GPSM2: variants seen among roughly 807,000 people sequenced by gnomAD.
GPSM2 encodes the protein G protein signaling modulator 2, also known as G protein-signaling modulator 2.
A neutral mutation model predicts 78.4 loss-of-function variants in GPSM2; 58 were observed. The observed-to-expected ratio is 0.74, with a 90% CI of 0.60 to 0.92. The LOEUF (loss-of-function observed/expected upper bound fraction) is 0.92, where lower values mean the gene tolerates loss of function less well. Ranked by LOEUF, GPSM2 falls within the 40% of genes least tolerant of loss-of-function variation. The pLI, the probability that GPSM2 is intolerant of heterozygous loss-of-function variation, is 0.00. For synonymous variants in GPSM2, 224 were observed against 280.2 expected (o/e 0.80, Z 2.00); for missense variants, 700 against 815.5 (o/e 0.86, Z 1.73).
chr1:108,880,774 T>G (rs1248073024), intron 1 of GPSM2, among the ~76,000 whole-genome samples: 1 of 152,220 alleles, frequency 6.6e-6, no homozygotes, highest in Non-Finnish European at 1.5e-5. Flanking sequence ...GAAAAGTAAA[T>G]TATATTTATT....
At chr1:108,917,667 A>ATATATAC (rs1179153795) in intron 11 of GPSM2, among the ~76,000 whole-genome samples, 1 of 49,244 alleles carries the variant, frequency 2.0e-5, no homozygotes, top group Non-Finnish European at 4.3e-5. Context: ...TATATATATA[A>ATATATAC]ATGAGTTCTC....
intron 1 of GPSM2, among the ~76,000 whole-genome samples, chr1:108,883,833 C>G (rs1023758788): frequency 1.3e-5 from 2 of 152,030 alleles, no homozygotes; most frequent in Admixed American, 1.3e-4. Context: ...TTTCTCTGAA[C>G]TTCTCTTTAT....
At position 108,920,622 on chromosome 1, in the gene GPSM2, C is replaced by T. The variant is rs80205445; in HGVS notation, c.1441-1795C>T. Among the ~76,000 whole-genome samples the T allele has an allele frequency of 2.7e-3, 414 of 152,118 alleles. 4 individuals are homozygous for T. The highest frequency in any genetic ancestry group is 9.6e-3 in the African/African-American group (399 of 41,484). On this transcript the variant is annotated intron_variant, in intron 12 of 14. Transcript: ENST00000264126. ...TCTTTTGTCTCGATTTCTTTCCCCC[C>T]AGTCTGTGGTATTGTTATAGAATGC...
chr1:108,912,764 G>T (rs1252391311), intron 10 of GPSM2, among the ~76,000 whole-genome samples: 2 of 151,602 alleles, frequency 1.3e-5, no homozygotes, highest in Admixed American at 1.3e-4. Context: ...ATCGGGGGCC[G>T]GCCAGGCATG....
chr1:108,878,296 A>G (rs1044682853), intron 1 of GPSM2, among the ~76,000 whole-genome samples: 1 of 152,158 alleles, frequency 6.6e-6, no homozygotes, highest in Non-Finnish European at 1.5e-5. Context: ...GTGGTCTCAC[A>G]CCTACTTCTC....
chr1:108,892,276 T>G (rs1401537288), intron 2 of GPSM2, among the ~76,000 whole-genome samples: 1 of 152,336 alleles, frequency 6.6e-6, no homozygotes, highest in East Asian at 1.9e-4. Context: ...TAGAAAGATG[T>G]AGCATCATGG....
intron 11 of GPSM2, 151 bp downstream of exon 11, chr1:108,914,559 T>G (rs531749714): frequency 1.6e-6 from 1 of 642,684 alleles, no homozygotes; most frequent in East Asian, 2.8e-5. Context: ...AAAAGTATAG[T>G]GCAAAAAGAA....
chr1:108,931,558 G>A lies in GPSM2; in HGVS notation c.*1618G>A. ...TTCAGGTGATTTGGATGGGCAAATA[G>A]AACTATTTCTCTAATGGCCAATGTT... On this transcript the variant is annotated 3_prime_UTR_variant, in exon 15 of 15. Transcript: ENST00000264126. 6.2e-6 allele frequency: 9 copies of A among 1,449,858 alleles called. No homozygotes were observed. Among genetic ancestry groups the A allele is most frequent in the South Asian group, 4.2e-5 (3 of 71,522 alleles). The allele number at this position is 1,449,858 out of a possible 1,614,324, so 89.8% of individuals were successfully genotyped here. A position where few individuals can be genotyped will look rare whatever the true frequency, so the allele number is the denominator to read the frequency against.
At position 108,896,904 on chromosome 1, in the gene GPSM2, C is replaced by T. The variant is rs764931658; in HGVS notation, c.97C>T (p.Arg33Cys). The change falls in exon 3 of 15, where the codon CGT becomes TGT. Residue 33 changes from arginine to cysteine, a missense_variant. Physicochemically the swap from Arg to Cys is radical, Grantham distance 180 (BLOSUM62 -3). Coordinates refer to ENST00000264126, the MANE Select transcript of GPSM2 (RefSeq NM_013296.5). The part of the protein sequence containing the change: ...SCLELALEGE[R>C]LCKSGDCRAG... ...CCTAGAGCTGGCCTTGGAAGGGGAACGTCTATGTAAATCAGGAGACTGCCG... is the reference window on the plus strand; with the variant it reads ...CCTAGAGCTGGCCTTGGAAGGGGAATGTCTATGTAAATCAGGAGACTGCCG... 6.8e-6 allele frequency: 11 copies of T among 1,613,960 alleles called. No individual in the cohort carries two copies. The highest frequency in any genetic ancestry group is 1.7e-5 in the Admixed American group (1 of 60,010).
rs1651676567 is a variant in GPSM2, at chr1:108,930,171, A to G, written c.*231A>G. 4 of 493,264 alleles carry G rather than the reference A, an allele frequency of 8.1e-6. No homozygotes were observed. In the South Asian group the frequency reaches 1.3e-4, roughly 16 times the overall value. The allele number at this position is 493,264 out of a possible 1,614,324, so 30.6% of individuals were successfully genotyped here. On this transcript the variant is annotated 3_prime_UTR_variant, in exon 15 of 15. Coordinates refer to ENST00000264126, the MANE Select transcript of GPSM2 (RefSeq NM_013296.5). Reference sequence around the variant, plus strand: ...TCATCGTCTGTGATTACTGCTTGGGATGTGTTCTTTGGCAGCTTGTGAGAT... The same window carrying G: ...TCATCGTCTGTGATTACTGCTTGGGGTGTGTTCTTTGGCAGCTTGTGAGAT...
chr1:108,879,562 C>T (rs756459476), intron 1 of GPSM2, among the ~76,000 whole-genome samples: 2 of 152,196 alleles, frequency 1.3e-5, no homozygotes, highest in African/African-American at 2.4e-5. Flanking sequence ...AGGCCGGGTA[C>T]GGTGGCTCAC....
At chr1:108,916,967 C>T (rs970758880) in intron 11 of GPSM2, among the ~76,000 whole-genome samples, 8 of 152,188 alleles carry the variant, frequency 5.3e-5, no homozygotes, top group African/African-American at 1.7e-4. Flanking sequence ...ACTAACCTCA[C>T]ATTTGATAAT....
Position 108,929,804 on chromosome 1 carries a change from GAA to G in GPSM2, c.1921_1922del (p.Lys641GlufsTer4). 6.2e-7 allele frequency: 1 copy of G among 1,614,096 alleles called. No homozygotes were observed. The highest frequency in any genetic ancestry group is 8.5e-7 in the Non-Finnish European group (1 of 1,179,990). On this transcript the variant is annotated frameshift_variant, in exon 15 of 15. Transcript: ENST00000264126. LOFTEE classifies it high-confidence loss of function. ...TTCAGCCTTATTTTACGGTCCCAGG[GAA>G]AGAGAATGGATGAACAGAGAGTTCT...
At chr1:108,898,411 G>T (rs569389505) in intron 5 of GPSM2, among the ~76,000 whole-genome samples, 105 of 152,262 alleles carry the variant, frequency 6.9e-4, no homozygotes, top group African/African-American at 2.5e-3. Flanking sequence ...GGGGTTCCAA[G>T]ATTAACTCTG....
intron 12 of GPSM2, 118 bp downstream of exon 12, chr1:108,918,907 A>G: frequency 4.2e-6 from 3 of 707,416 alleles, no homozygotes; most frequent in South Asian, 3.3e-5. Context: ...ATATCTTTGT[A>G]TTCATATTTC....
Position 108,923,986 on chromosome 1 carries a change from T to C in GPSM2, c.1601-14T>C, listed in dbSNP as rs1311402113. 6.5e-7 allele frequency: 1 copy of C among 1,549,436 alleles called. No individual in the cohort carries two copies. Among genetic ancestry groups the C allele is most frequent in the Non-Finnish European group, 8.9e-7 (1 of 1,121,106 alleles). On this transcript the variant is annotated splice_polypyrimidine_tract_variant and intron_variant, in intron 13 of 14. Coordinates refer to ENST00000264126, the MANE Select transcript of GPSM2 (RefSeq NM_013296.5). ...GTTTTTTTTTAATCTTTGGCTTTCT[T>C]CTTCTGTTCTTAGCATCATCTGTTC...
Position 108,904,222 on chromosome 1 carries a change from C to A in GPSM2, c.1160C>A (p.Ser387Tyr). The change falls in exon 10 of 15, where the codon TCT becomes TAT. Residue 387 changes from serine to tyrosine, a missense_variant. Physicochemically the swap from Ser to Tyr is moderately radical, Grantham distance 144. Coordinates refer to ENST00000264126, the MANE Select transcript of GPSM2 (RefSeq NM_013296.5). ...TACAGCACAAATAACTCCATAATGT[C>A]TGAAAATACTGAAATTGATAGCAGT... ...LSYSTNNSIM[S>Y]ENTEIDSSLN... 6.3e-7 allele frequency: 1 copy of A among 1,598,990 alleles called. No homozygotes were observed. Among genetic ancestry groups the A allele is most frequent in the Middle Eastern group, 1.8e-4 (1 of 5,680 alleles).
chr1:108,915,351 C>A (rs1223851854), intron 11 of GPSM2, among the ~76,000 whole-genome samples: 1 of 118,076 alleles, frequency 8.5e-6, no homozygotes, highest in African/African-American at 3.4e-5. Flanking sequence ...AGCCTGGCAA[C>A]AGAGCGAGAC....
intron 2 of GPSM2, among the ~76,000 whole-genome samples, chr1:108,892,274 T>G (rs1412032328): frequency 6.6e-6 from 1 of 152,216 alleles, no homozygotes; most frequent in South Asian, 2.1e-4. Flanking sequence ...TTTAGAAAGA[T>G]GTAGCATCAT....
Sources: gnomAD v4.1 joint callset for allele counts (sites outside exome capture counted in the v4.1 genomes callset) on GRCh38, gnomAD v4.1.1 for gene constraint, MANE v1.5 for transcripts, NCBI Gene and HGNC (gene_info 2026-07-23, HGNC 2026-07-21) for gene names.